The following RNASEH2B variants were observed in gnomAD, a reference collection of about 807,000 sequenced individuals.
RNASEH2B encodes the protein ribonuclease H2 subunit B.
A neutral mutation model predicts 45.0 loss-of-function variants in RNASEH2B; 36 were observed. The observed-to-expected ratio is 0.80, with a 90% CI of 0.61 to 1.06. The LOEUF (loss-of-function observed/expected upper bound fraction) is 1.06, where lower values mean the gene tolerates loss of function less well. Ranked by LOEUF, RNASEH2B falls within the 50% of genes least tolerant of loss-of-function variation. RNASEH2B has a pLI of 0.00. For synonymous variants in RNASEH2B, 119 were observed against 125.7 expected (o/e 0.95, Z 0.35); for missense variants, 361 against 360.3 (o/e 1.00, Z -0.02).
At position 50,956,659 on chromosome 13, in the gene RNASEH2B, G is replaced by T. The variant is rs938090416; in HGVS notation, c.*185G>T. 1.8e-5 allele frequency: 24 copies of T among 1,368,586 alleles called. No homozygotes were observed. In the South Asian group the frequency reaches 3.5e-4, roughly 20 times the overall value. The allele number at this position is 1,368,586 out of a possible 1,614,324, so 84.8% of individuals were successfully genotyped here. A position where few individuals can be genotyped will look rare whatever the true frequency, so the allele number is the denominator to read the frequency against. ...ATATGGGAAAGTGTCTAACTTCATG[G>T]CTATGGCCTTTTGGAGTCTCATCTG... On this transcript the variant is annotated 3_prime_UTR_variant, in exon 11 of 11. Coordinates refer to ENST00000336617, the MANE Select transcript of RNASEH2B (RefSeq NM_024570.4).
chr13:50,917,231 G>A (rs1478956356), intron 1 of RNASEH2B, among the ~76,000 whole-genome samples: 1 of 152,202 alleles, frequency 6.6e-6, no homozygotes, highest in Non-Finnish European at 1.5e-5. Context: ...CTGGAAGAAG[G>A]AAAGGGTACA....
At chr13:50,927,115 A>G (rs550150448) in intron 1 of RNASEH2B, 5 of 371,102 alleles carry the variant, frequency 1.3e-5, no homozygotes, top group African/African-American at 6.3e-5. Flanking sequence ...ACCCTTGCCC[A>G]GGGTGACAAA....
intron 2 of RNASEH2B, among the ~76,000 whole-genome samples, chr13:50,929,179 A>G (rs1446785860): frequency 2.0e-5 from 3 of 152,152 alleles, no homozygotes; most frequent in African/African-American, 7.2e-5. Context: ...AGGAATGGAT[A>G]TTCCCTCTTG....
Position 50,956,640 on chromosome 13 carries a change from G to A in RNASEH2B, c.*166G>A. 7.0e-7 allele frequency: 1 copy of A among 1,419,720 alleles called. No individual in the cohort carries two copies. Among genetic ancestry groups the A allele is most frequent in the Non-Finnish European group, 9.2e-7 (1 of 1,081,658 alleles). 87.9% of individuals were successfully genotyped at this position (1,419,720 alleles called of 1,614,324 possible). ...TTTTGTGTTCCTGAACAAAATATGG[G>A]AAAGTGTCTAACTTCATGGCTATGG... is the stretch of plus-strand genomic sequence containing the variant. On this transcript the variant is annotated 3_prime_UTR_variant, in exon 11 of 11. Coordinates refer to ENST00000336617, the MANE Select transcript of RNASEH2B (RefSeq NM_024570.4).
At chr13:50,941,094 G>A (rs997644196) in intron 5 of RNASEH2B, 4 of 152,194 alleles carry the variant, frequency 2.6e-5, no homozygotes, top group African/African-American at 9.7e-5. Context: ...TGTATAAAAT[G>A]TGCCTAGCAC....
chr13:50,948,776 T>C (rs1305825842), intron 8 of RNASEH2B: 1 of 152,226 alleles, frequency 6.6e-6, no homozygotes, highest in East Asian at 1.9e-4. Context: ...ATAAAATGAC[T>C]TTTTAATAGA....
intron 2 of RNASEH2B, among the ~76,000 whole-genome samples, chr13:50,928,932 C>CTTTTT (rs35147830): frequency 1.6e-4 from 14 of 87,868 alleles, no homozygotes; most frequent in Admixed American, 2.9e-4. Flanking sequence ...TGCCTCCTCC[C>CTTTTT]TTTTTTTTTT....
chr13:50,962,928 C>A (rs1952125237), intron 9 of RNASEH2B, among the ~76,000 whole-genome samples: 1 of 151,798 alleles, frequency 6.6e-6, no homozygotes, highest in Non-Finnish European at 1.5e-5. Flanking sequence ...CCATTCTTTC[C>A]TCCCTTTTCT....
rs1168159255 is a variant in RNASEH2B at position 50,949,345 on chromosome 13, A to G, written c.699-118A>G. On this transcript the variant is annotated intron_variant, in intron 8 of 10. Coordinates refer to ENST00000336617, the MANE Select transcript of RNASEH2B (RefSeq NM_024570.4). The stretch of plus-strand genomic sequence containing the variant: ...CTGAGTTGATTGAACAGGAAGATAT[A>G]TGGAGGTAAAGCTGTAAGTTGAAAA... The G allele has an allele frequency of 1.2e-5, 10 of 817,872 alleles. No individual in the cohort carries two copies. In the South Asian group the frequency reaches 1.3e-4, roughly 10 times the overall value. 50.7% of individuals were successfully genotyped at this position (817,872 alleles called of 1,614,324 possible).
chr13:50,943,297 GC>G, intron 5 of RNASEH2B, 23 bp from the exon 6 acceptor site: 1 of 1,315,116 alleles, frequency 7.6e-7, no homozygotes, highest in Non-Finnish European at 1.1e-6. Context: ...AATTCATTGT[GC>G]TGAGTCTTTT....
intron 6 of RNASEH2B, among the ~76,000 whole-genome samples, chr13:50,945,162 C>T (rs1175924839): frequency 6.6e-6 from 1 of 152,148 alleles, no homozygotes; most frequent in Non-Finnish European, 1.5e-5. Flanking sequence ...CCAGAGTCAG[C>T]TCTCAGTTAT....
At position 50,919,542 on chromosome 13, in the gene RNASEH2B, G is replaced by A. The variant is rs542598309; in HGVS notation, c.65-7865G>A. ...TGCAGCTGGTTAGATGACTCTGCTG[G>A]TTTTTGAGGATGAGGAGGACAGGAC... is the stretch of plus-strand genomic sequence containing the variant. On this transcript the variant is annotated intron_variant, in intron 1 of 10. Coordinates refer to ENST00000336617, the MANE Select transcript of RNASEH2B (RefSeq NM_024570.4). Among the ~76,000 whole-genome samples the A allele has an allele frequency of 5.3e-5, 8 of 152,308 alleles. No individual in the cohort carries two copies. The East Asian group carries it at 1.2e-3, about 22-fold the overall frequency.
rs141031250 is a variant in RNASEH2B, at chr13:50,933,580, A to G, written c.322-1305A>G. On this transcript the variant is annotated intron_variant, in intron 4 of 10. Coordinates refer to ENST00000336617, the MANE Select transcript of RNASEH2B (RefSeq NM_024570.4). ...TTCTTTTAAACTTTATTTTAACATC[A>G]GTAAAAATAACTTTTTTTCTAGGTA... is the stretch of plus-strand genomic sequence containing the variant. Among the ~76,000 whole-genome samples, 107 of 152,334 alleles carry G rather than the reference A, an allele frequency of 7.0e-4. 1 individual carries two copies. Among genetic ancestry groups the G allele is most frequent in the African/African-American group, 2.5e-3 (105 of 41,582 alleles).
chr13:50,969,035 ATTTG>A (rs1952192714), intron 9 of RNASEH2B, among the ~76,000 whole-genome samples: 1 of 152,244 alleles, frequency 6.6e-6, no homozygotes, highest in Non-Finnish European at 1.5e-5. Flanking sequence ...ACTTAGATTT[ATTTG>A]TTCCTTTAAG....
chr13:50,942,971 C>T (rs747289165), intron 5 of RNASEH2B: 19 of 232,404 alleles, frequency 8.2e-5, no homozygotes, highest in Admixed American at 1.1e-4. Context: ...TGCTAGGGAC[C>T]GGCCCTCTTC....
chr13:50,920,576 T>C (rs1951511054), intron 1 of RNASEH2B, among the ~76,000 whole-genome samples: 1 of 152,236 alleles, frequency 6.6e-6, no homozygotes, highest in African/African-American at 2.4e-5. Context: ...TCTGAGTTTT[T>C]TCTTTTTTTG....
At chr13:50,955,212 T>G (rs1443537355) in intron 10 of RNASEH2B, 1 of 152,250 alleles carries the variant, frequency 6.6e-6, no homozygotes, top group African/African-American at 2.4e-5. Context: ...TAAGTTAACT[T>G]TCACTTAGAT....
intron 1 of RNASEH2B, chr13:50,915,501 A>C: frequency 2.5e-6 from 1 of 398,612 alleles, no homozygotes. Flanking sequence ...TTGACCACCT[A>C]CACATTTCAT....
chr13:50,958,383 T>G (rs571004643), downstream of RNASEH2B, among the ~76,000 whole-genome samples: 1 of 152,282 alleles, frequency 6.6e-6, no homozygotes, highest in South Asian at 2.1e-4. Flanking sequence ...TTGACTTTGT[T>G]GGAGATCAGA....
Sources: allele counts gnomAD v4.1 joint callset (sites outside exome capture counted in the v4.1 genomes callset), GRCh38; gene constraint gnomAD v4.1.1; transcripts MANE v1.5; gene names NCBI Gene and HGNC (gene_info 2026-07-23, HGNC 2026-07-21).